The following PDE4D variants were observed in gnomAD, a reference collection of about 807,000 sequenced individuals.
PDE4D encodes the protein 3',5'-cyclic-AMP phosphodiesterase 4D.
Under a neutral mutation model 87.4 loss-of-function variants are expected in PDE4D, and 24 were observed. That is an observed-to-expected ratio of 0.27 (90% CI 0.20 to 0.39). PDE4D has a LOEUF of 0.39. PDE4D is among the 10% of genes least tolerant of loss of function. PDE4D has a pLI of 1.00. For missense variants in PDE4D, 714 were observed against 1,041.0 expected, an observed-to-expected ratio of 0.69 and a Z score of 4.32; for synonymous variants, 384 against 383.2, an observed-to-expected ratio of 1.00 and a Z score of -0.02.
chr5:59,875,069 TA>T (rs1748355514), intron 1 of PDE4D, among the ~76,000 whole-genome samples: 1 of 152,208 alleles, frequency 6.6e-6, no homozygotes, highest in Non-Finnish European at 1.5e-5. Context: ...TTATAATATC[TA>T]CAGATTCTCT....
At chr5:59,882,097 T>G (rs1004682593) in intron 1 of PDE4D, among the ~76,000 whole-genome samples, 3 of 152,226 alleles carry the variant, frequency 2.0e-5, no homozygotes, top group Non-Finnish European at 4.4e-5. Context: ...TATGGCAGTT[T>G]CTGAGTTAAT....
intron 1 of PDE4D, among the ~76,000 whole-genome samples, chr5:59,250,037 G>A (rs932633807): frequency 2.0e-5 from 3 of 151,686 alleles, no homozygotes; most frequent in Non-Finnish European, 4.4e-5. Context: ...TAGAGACAGG[G>A]CCTTGCTTTG....
chr5:60,045,775 A>G (rs1769158316), intron 2 of PDE4D, among the ~76,000 whole-genome samples: 1 of 152,128 alleles, frequency 6.6e-6, no homozygotes, highest in Non-Finnish European at 1.5e-5. Flanking sequence ...GCCTTGTAGT[A>G]TAGTTTGAAG....
At chr5:59,931,696 T>TC (rs1167137115) in intron 3 of PDE4D, among the ~76,000 whole-genome samples, 117 of 137,726 alleles carry the variant, frequency 8.5e-4, no homozygotes, top group South Asian at 5.2e-3. Flanking sequence ...TTCTTCTTCT[T>TC]TTTTTTTTTT....
At chr5:59,077,477 T>TC (rs200387420) in intron 5 of PDE4D, among the ~76,000 whole-genome samples, 2 of 85,790 alleles carry the variant, frequency 2.3e-5, no homozygotes, top group Admixed American at 1.3e-4. Flanking sequence ...TTTTTCTTCT[T>TC]TTTTTTTTTT....
At chr5:60,325,135 T>C (rs1756666606) in intron 1 of PDE4D, among the ~76,000 whole-genome samples, 1 of 152,198 alleles carries the variant, frequency 6.6e-6, no homozygotes, top group Non-Finnish European at 1.5e-5. Flanking sequence ...TCAATCACTT[T>C]ATTCCCACTA....
intron 1 of PDE4D, among the ~76,000 whole-genome samples, chr5:59,538,660 C>CA (rs1300276278): frequency 3.9e-5 from 6 of 152,164 alleles, no homozygotes; most frequent in Non-Finnish European, 7.3e-5. Flanking sequence ...TGTCCTTCCC[C>CA]AATACACTCT....
intron 1 of PDE4D, among the ~76,000 whole-genome samples, chr5:59,774,421 GTTTT>G (rs1026886581): frequency 6.6e-6 from 1 of 152,016 alleles, no homozygotes; most frequent in Non-Finnish European, 1.5e-5. Context: ...CCAGTAAACA[GTTTT>G]TTTAAGAGTT....
chr5:59,278,938 T>C lies in PDE4D; in HGVS notation c.456-62970A>G, dbSNP rs543204300. The stretch of plus-strand genomic sequence containing the variant: ...TTATCATCCAATGGTGAGCGTGACT[T>C]GTGAGACTTATGACATTTATCCATG... On this transcript the variant is annotated intron_variant, in intron 1 of 14. Coordinates refer to ENST00000340635, the MANE Select transcript of PDE4D (RefSeq NM_001104631.2). Among the ~76,000 whole-genome samples, 47 of 152,180 alleles carry C rather than the reference T, an allele frequency of 3.1e-4. 1 individual carries two copies. The South Asian group carries it at 6.6e-3, about 21-fold the overall frequency.
rs139129086 is a variant in PDE4D at position 59,407,268 on chromosome 5, T to C, written c.456-191300A>G. ...TTGCTCCCCCTATTGCCACGTGAGA[T>C]AGCTGCTCTCTCTTCAGCTTCCACC... On this transcript the variant is annotated intron_variant, in intron 1 of 14. Transcript: ENST00000340635. Among the ~76,000 whole-genome samples, 60 of 152,326 alleles carry C rather than the reference T, an allele frequency of 3.9e-4. 1 individual carries two copies. The highest frequency in any genetic ancestry group is 7.5e-4 in the Non-Finnish European group (51 of 68,026).
At chr5:59,030,740 C>A (rs975115982) in intron 6 of PDE4D, among the ~76,000 whole-genome samples, 1 of 152,034 alleles carries the variant, frequency 6.6e-6, no homozygotes, top group Non-Finnish European at 1.5e-5. Context: ...CAAAAACAAA[C>A]GAAAACTCAA....
intron 3 of PDE4D, among the ~76,000 whole-genome samples, chr5:59,900,299 C>T (rs1480742990): frequency 6.9e-6 from 1 of 145,186 alleles, no homozygotes; most frequent in Non-Finnish European, 1.5e-5. Flanking sequence ...TATATATATA[C>T]ACTATTTACT....
At chr5:60,092,538 T>G (rs978323498) in intron 2 of PDE4D, among the ~76,000 whole-genome samples, 2 of 151,820 alleles carry the variant, frequency 1.3e-5, no homozygotes, top group Non-Finnish European at 2.9e-5. Flanking sequence ...TATAAAAATA[T>G]CACATGTACC....
At chr5:59,773,637 A>T (rs889332400) in intron 1 of PDE4D, among the ~76,000 whole-genome samples, 2 of 152,116 alleles carry the variant, frequency 1.3e-5, no homozygotes, top group Non-Finnish European at 2.9e-5. Flanking sequence ...AGAAATTTTA[A>T]TTAAACTCCA....
At position 59,794,178 on chromosome 5, in the gene PDE4D, C is replaced by G. The variant is rs561932990; in HGVS notation, c.455+98990G>C. Among the ~76,000 whole-genome samples the G allele has an allele frequency of 1.0e-3, 136 of 133,824 alleles. 2 individuals carry two copies. Among genetic ancestry groups the G allele is most frequent in the African/African-American group, 3.6e-3 (131 of 36,708 alleles). 87.8% of individuals were successfully genotyped at this position (133,824 alleles called of 152,430 possible). On this transcript the variant is annotated intron_variant, in intron 1 of 14. Transcript: ENST00000340635. ...ACACACACACACACACACACACACA[C>G]ACAGACAACTCTAGCTATCTCTGAG...
At chr5:59,412,485 G>C (rs898658847) in intron 1 of PDE4D, among the ~76,000 whole-genome samples, 7 of 152,152 alleles carry the variant, frequency 4.6e-5, no homozygotes, top group African/African-American at 1.7e-4. Flanking sequence ...TGATTATAGA[G>C]GGGAGCTGAG....
intron 5 of PDE4D, among the ~76,000 whole-genome samples, chr5:59,086,564 T>C (rs1363666901): frequency 6.6e-6 from 1 of 152,116 alleles, no homozygotes; most frequent in Non-Finnish European, 1.5e-5. Context: ...AAAACTACAA[T>C]ACCTACCTAC....
In PDE4D at chr5:59,219,513, G is replaced by T. The variant is rs188155711; in HGVS notation, c.456-3545C>A. ...TCAGCCAATGTCAGTATTAGTGAAT[G>T]ACTTTATACAAAGAGAGACTTTGTA... On this transcript the variant is annotated intron_variant, in intron 1 of 14. Transcript: ENST00000340635. 2.4e-3 allele frequency among the ~76,000 whole-genome samples: 372 copies of T among 152,124 alleles called. 3 individuals carry two copies. Among genetic ancestry groups the T allele is most frequent in the African/African-American group, 8.5e-3 (351 of 41,518 alleles).
chr5:59,846,239 C>T (rs1479378952), intron 1 of PDE4D, among the ~76,000 whole-genome samples: 2 of 152,014 alleles, frequency 1.3e-5, no homozygotes, highest in Non-Finnish European at 2.9e-5. Context: ...CATTAATTGG[C>T]TTTTGATAAG....
Sources: gnomAD v4.1 joint callset for allele counts (sites outside exome capture counted in the v4.1 genomes callset) on GRCh38, gnomAD v4.1.1 for gene constraint, MANE v1.5 for transcripts, NCBI Gene and HGNC (gene_info 2026-07-23, HGNC 2026-07-21) for gene names.